The following SH3GLB2 variants were observed in gnomAD, a reference collection of about 807,000 sequenced individuals.
SH3GLB2 encodes endophilin-B2.
Under a neutral mutation model 48.0 loss-of-function variants are expected in SH3GLB2, and 24 were observed. That is an observed-to-expected ratio of 0.50 (90% confidence interval 0.36 to 0.70). The LOEUF (loss-of-function observed/expected upper bound fraction) is 0.70. SH3GLB2 is among the 30% of genes least tolerant of loss of function. The pLI, the probability that SH3GLB2 is intolerant of heterozygous loss-of-function variation, is 0.00. For missense variants in SH3GLB2, 425 were observed against 516.0 expected (o/e 0.82, Z 1.71); for synonymous variants, 227 against 207.6 (o/e 1.09, Z -0.80).
chr9:129,028,052 C>A, intron 1 of SH3GLB2, 40 bp downstream of exon 1: 1 of 1,490,260 alleles, frequency 6.7e-7, no homozygotes, highest in Non-Finnish European at 8.9e-7. Context: ...GCCCGCCGCA[C>A]ATCCGGGCCC....
chr9:129,018,952 A>G (rs1843617021), intron 3 of SH3GLB2, among the ~76,000 whole-genome samples: 1 of 151,940 alleles, frequency 6.6e-6, no homozygotes, highest in African/African-American at 2.4e-5. Context: ...AACATGTCAT[A>G]TGATTCCATT....
intron 3 of SH3GLB2, among the ~76,000 whole-genome samples, chr9:129,016,736 C>T (rs746191356): frequency 4.0e-5 from 6 of 151,808 alleles, no homozygotes; most frequent in African/African-American, 1.5e-4. Context: ...AGAGAGTTAA[C>T]GTGGCTATAC....
rs1322000606 is a variant in SH3GLB2 at position 129,008,552 on chromosome 9, A to G, written c.*132T>C. ...CAGGCACCCTCACAGCTAGGTGACT[A>G]GGGGCAGGGACAGAATGGGGTGAAT... On this transcript the variant is annotated 3_prime_UTR_variant, in exon 11 of 11. Coordinates refer to ENST00000372564, the MANE Select transcript of SH3GLB2 (RefSeq NM_020145.4). 1.5e-6 allele frequency: 1 copy of G among 685,934 alleles called. No individual in the cohort carries two copies. Among genetic ancestry groups the G allele is most frequent in the African/African-American group, 1.8e-5 (1 of 56,858 alleles). 42.5% of individuals were successfully genotyped at this position (685,934 alleles called of 1,614,324 possible). A position where few individuals can be genotyped will look rare whatever the true frequency, so the allele number is the denominator to read the frequency against.
At chr9:129,025,606 T>G (rs1314282385) in intron 1 of SH3GLB2, among the ~76,000 whole-genome samples, 9 of 37,708 alleles carry the variant, frequency 2.4e-4, no homozygotes, top group African/African-American at 3.8e-4. Context: ...AGAGAGGGAC[T>G]AAGGGAGGAA....
At position 129,009,849 on chromosome 9, in the gene SH3GLB2, T is replaced by G. The variant is rs1843003557; in HGVS notation, c.761A>C (p.His254Pro). Reference protein sequence around the residue: ...STHVNHLRCLHEFVKSQTTYY... With the variant: ...STHVNHLRCLPEFVKSQTTYY... ...GGTTGTCTGAGACTTGACGAACTCG[T>G]GGAGGCAGCGCAGGTGGTTCACCTG... The change falls in exon 9 of 11, where the codon CAC becomes CCC. Residue 254 changes from histidine (H) to proline (P), a missense_variant. Transcript: ENST00000372564. 1.2e-6 allele frequency: 2 copies of G among 1,613,806 alleles called. No individual in the cohort carries two copies. Among genetic ancestry groups the G allele is most frequent in the African/African-American group, 1.3e-5 (1 of 74,932 alleles).
At chr9:129,010,740 G>A (rs768753258) in intron 6 of SH3GLB2, 47 bp from the exon 7 acceptor site, 1 of 1,611,926 alleles carries the variant, frequency 6.2e-7, no homozygotes, top group Admixed American at 1.7e-5. Flanking sequence ...GGGAGAGGAG[G>A]ACAGCTGGAC....
At position 129,028,279 on chromosome 9, in the gene SH3GLB2, G is replaced by GCCTGCCC. The variant is rs1564589312; in HGVS notation, c.-126_-125insGGGCAGG. The GCCTGCCC allele has an allele frequency of 2.1e-5, 12 of 580,826 alleles. No homozygotes were observed. Among genetic ancestry groups the GCCTGCCC allele is most frequent in the South Asian group, 1.5e-4 (2 of 13,622 alleles). The allele number at this position is 580,826 out of a possible 1,614,324, so 36.0% of individuals were successfully genotyped here. On this transcript the variant is annotated 5_prime_UTR_variant, in exon 1 of 11. Coordinates refer to ENST00000372564, the MANE Select transcript of SH3GLB2 (RefSeq NM_020145.4). ...CCAGCCCTCCGCGCACCCGCCTGCC[G>GCCTGCCC]GCCTGCCCGCCTGCCCGCCCGCCGC...
In SH3GLB2 at chr9:129,014,354, C is replaced by A; in HGVS notation, c.561+57G>T. ...ATACCAGGTCCCTTCATGCCACCAC[C>A]CCTTGGCTCCAGCCAGAGCCTGGGC... On this transcript the variant is annotated intron_variant, in intron 5 of 10. Transcript: ENST00000372564. This position sits in a 1 kb window ranked among gnomAD's most constrained non-coding sequence, Gnocchi z 4.1. The A allele has an allele frequency of 6.7e-7, 1 of 1,492,070 alleles. No individual in the cohort carries two copies. Among genetic ancestry groups the A allele is most frequent in the Non-Finnish European group, 9.1e-7 (1 of 1,097,780 alleles). The allele number at this position is 1,492,070 out of a possible 1,614,324, so 92.4% of individuals were successfully genotyped here. A position where few individuals can be genotyped will look rare whatever the true frequency, so the allele number is the denominator to read the frequency against.
intron 1 of SH3GLB2, among the ~76,000 whole-genome samples, chr9:129,024,976 A>G (rs1394067724): frequency 6.6e-6 from 1 of 151,722 alleles, no homozygotes; most frequent in African/African-American, 2.4e-5. Flanking sequence ...TCTCAAAAAA[A>G]AAAAAAGACA....
rs763582208 is a variant in SH3GLB2 at position 129,010,143 on chromosome 9, G to C, written c.715C>G (p.Leu239Val). The change falls in exon 8 of 11, where the codon CTG (leucine) becomes GTG (valine). Residue 239 changes from leucine to valine, a missense_variant. Physicochemically the swap from Leu to Val is conservative, Grantham distance 32. Transcript: ENST00000372564. Reference protein sequence around the residue: ...DRQAEVTRLLLEGISSTHVNH... With the variant: ...DRQAEVTRLLVEGISSTHVNH... ...ACGTGAGTGCTACTGATTCCCTCCA[G>C]CAAGAGACGGGTCACTTCTGCTTGC... 3 of 1,613,940 alleles carry C rather than the reference G, an allele frequency of 1.9e-6. No individual in the cohort carries two copies. Among genetic ancestry groups the C allele is most frequent in the Non-Finnish European group, 2.5e-6 (3 of 1,179,988 alleles).
intron 3 of SH3GLB2, among the ~76,000 whole-genome samples, chr9:129,018,985 T>C (rs1166799899): frequency 6.7e-6 from 1 of 150,292 alleles, no homozygotes; most frequent in East Asian, 1.9e-4. Flanking sequence ...TCAGAAAAAA[T>C]GAACTTATAG....
In SH3GLB2 at chr9:129,022,277, C is replaced by T. The variant is rs1843858028; in HGVS notation, c.205+5G>A. 2 of 1,613,248 alleles carry T rather than the reference C, an allele frequency of 1.2e-6. No homozygotes were observed. Among genetic ancestry groups the T allele is most frequent in the East Asian group, 2.2e-5 (1 of 44,892 alleles). ...CCCTCCCCGGGCCCACGAACACGCA[C>T]TCACTGGGGTTGGGCTGCAGCAGCA... is the stretch of plus-strand genomic sequence containing the variant. On this transcript the variant is annotated splice_donor_5th_base_variant and intron_variant, in intron 2 of 10. Coordinates refer to ENST00000372564, the MANE Select transcript of SH3GLB2 (RefSeq NM_020145.4).
rs565021128 is a variant in SH3GLB2 at position 129,018,457 on chromosome 9, A to G, written c.334+2634T>C. Among the ~76,000 whole-genome samples the G allele has an allele frequency of 2.7e-3, 407 of 150,180 alleles. 1 individual carries two copies. Among genetic ancestry groups the G allele is most frequent in the Non-Finnish European group, 4.0e-3 (269 of 67,646 alleles). ...CTGGGCATGGTGGCGGGTGCCTGTA[A>G]TCCCAGCGACTTGGAAGGCTGAGGC... On this transcript the variant is annotated intron_variant, in intron 3 of 10. Coordinates refer to ENST00000372564, the MANE Select transcript of SH3GLB2 (RefSeq NM_020145.4).
intron 3 of SH3GLB2, among the ~76,000 whole-genome samples, chr9:129,018,304 G>A (rs191430394): frequency 2.1e-4 from 32 of 152,222 alleles, no homozygotes; most frequent in Non-Finnish European, 2.9e-4. Flanking sequence ...TTGGCTGGGC[G>A]CAGTGGCTCA....
Position 129,014,545 on chromosome 9 carries a change from C to G in SH3GLB2, c.469-42G>C, listed in dbSNP as rs1342806901. The G allele has an allele frequency of 4.5e-6, 7 of 1,542,856 alleles. No individual in the cohort carries two copies. In the South Asian group the frequency reaches 8.3e-5, roughly 18 times the overall value. ...GGGGACAGTGAGACCCTGGGCTGCC[C>G]TGGGAGACCCTGAGCCATGCATGGC... On this transcript the variant is annotated intron_variant, in intron 4 of 10. Transcript: ENST00000372564. The surrounding 1 kb of genome is among the most constrained non-coding windows in gnomAD (Gnocchi z 4.1).
Position 129,008,610 on chromosome 9 carries a change from A to G in SH3GLB2, c.*74T>C. 1 of 1,166,442 alleles carries G rather than the reference A, an allele frequency of 8.6e-7. No homozygotes were observed. 72.3% of individuals were successfully genotyped at this position (1,166,442 alleles called of 1,614,324 possible). ...ACTCTGAACAACTGTGTCACCAACA[A>G]ACAAGTTAAGTGGCAGGGCTGCGCC... On this transcript the variant is annotated 3_prime_UTR_variant, in exon 11 of 11. Coordinates refer to ENST00000372564, the MANE Select transcript of SH3GLB2 (RefSeq NM_020145.4).
At chr9:129,013,020 C>G in intron 5 of SH3GLB2, 2 of 1,551,196 alleles carry the variant, frequency 1.3e-6, no homozygotes, top group Non-Finnish European at 8.7e-7. Flanking sequence ...CTCCCTCACA[C>G]TGAGCCAAGT....
chr9:129,016,198 C>T (rs1043286356), intron 3 of SH3GLB2, among the ~76,000 whole-genome samples: 2 of 151,690 alleles, frequency 1.3e-5, no homozygotes, highest in African/African-American at 4.8e-5. Context: ...CAAAAATTAG[C>T]TGGGTGTGGT....
At chr9:129,016,210 G>A (rs1843408011) in intron 3 of SH3GLB2, among the ~76,000 whole-genome samples, 1 of 151,712 alleles carries the variant, frequency 6.6e-6, no homozygotes, top group Non-Finnish European at 1.5e-5. Flanking sequence ...GGGTGTGGTG[G>A]TGTGCATCTG....
Sources: allele counts gnomAD v4.1 joint callset (sites outside exome capture counted in the v4.1 genomes callset), GRCh38; gene constraint gnomAD v4.1.1; non-coding constraint Gnocchi (gnomAD v3.1); transcripts MANE v1.5; gene names NCBI Gene and HGNC (gene_info 2026-07-23, HGNC 2026-07-21).